TNFRSF10D: variants seen among roughly 807,000 people sequenced by gnomAD.
TNFRSF10D encodes TNF receptor superfamily member 10d, also known as tumor necrosis factor receptor superfamily member 10D.
A neutral mutation model predicts 42.1 loss-of-function variants in TNFRSF10D; 28 were observed. The ratio of observed to expected loss-of-function variants is 0.66; its 90% confidence interval spans 0.49 to 0.91. The LOEUF (loss-of-function observed/expected upper bound fraction) is 0.91. Ranked by LOEUF, TNFRSF10D falls within the 40% of genes least tolerant of loss-of-function variation. TNFRSF10D has a pLI of 0.00. For missense variants in TNFRSF10D, 503 were observed against 486.1 expected (o/e 1.03, Z -0.33); for synonymous variants, 186 against 189.4 (o/e 0.98, Z 0.15).
At chr8:23,151,263 G>GA (rs983450561) in intron 2 of TNFRSF10D, among the ~76,000 whole-genome samples, 1 of 149,756 alleles carries the variant, frequency 6.7e-6, no homozygotes. Context: ...GTACAGAAAG[G>GA]AAAAATTCCT....
At position 23,145,086 on chromosome 8, in the gene TNFRSF10D, C is replaced by T. The variant is rs1800095292; in HGVS notation, c.740G>A (p.Gly247Asp). The T allele has an allele frequency of 6.2e-7, 1 of 1,614,128 alleles. No individual in the cohort carries two copies. Among genetic ancestry groups the T allele is most frequent in the East Asian group, 2.2e-5 (1 of 44,886 alleles). The change falls in exon 6 of 9, where the codon GGT becomes GAT. Residue 247 changes from glycine to aspartate, a missense_variant. Transcript: ENST00000312584. ...GTGCACACGTTCGGGACCTCCTCCA[C>T]CACCTGGAAAAGAAGCAGTCTCCTG... ...ISYLKGICSG[G>D]GGGPERVHRV...
intron 1 of TNFRSF10D, among the ~76,000 whole-genome samples, chr8:23,161,449 G>C (rs1800366116): frequency 6.6e-6 from 1 of 152,218 alleles, no homozygotes; most frequent in Non-Finnish European, 1.5e-5. Context: ...TCAGCTCCAG[G>C]CTCATCTGAT....
intron 2 of TNFRSF10D, among the ~76,000 whole-genome samples, chr8:23,151,184 C>G (rs1339238998): frequency 1.3e-5 from 2 of 151,974 alleles, no homozygotes; most frequent in Non-Finnish European, 1.5e-5. Flanking sequence ...TACAAAGGAA[C>G]CCCTATAAAA....
At chr8:23,140,375 G>GAC (rs71546853) in intron 7 of TNFRSF10D, among the ~76,000 whole-genome samples, 1,616 of 145,446 alleles carry the variant, frequency 0.011, 14 homozygotes, top group Middle Eastern at 0.035. Flanking sequence ...ATTTACAACA[G>GAC]ACACACACAC....
chr8:23,140,114 C>T (rs1046081927), intron 7 of TNFRSF10D, among the ~76,000 whole-genome samples: 9 of 152,046 alleles, frequency 5.9e-5, no homozygotes, highest in East Asian at 1.9e-4. Context: ...ACGGTGAAAC[C>T]CCACCTCTAC....
intron 7 of TNFRSF10D, among the ~76,000 whole-genome samples, chr8:23,141,301 T>A (rs1800009005): frequency 1.3e-5 from 2 of 152,030 alleles, no homozygotes; most frequent in Non-Finnish European, 2.9e-5. Context: ...GGTTAGGAGT[T>A]CGAGACCAGC....
chr8:23,136,407 G>C lies in TNFRSF10D; in HGVS notation c.*1463C>G, dbSNP rs181774200. ...AGCTCAGGAATCTCTGCCCTAAAAGGCATCCCAGGGACTCAGTTCACAGAC... is the reference window on the plus strand; with the variant it reads ...AGCTCAGGAATCTCTGCCCTAAAAGCCATCCCAGGGACTCAGTTCACAGAC... On this transcript the variant is annotated 3_prime_UTR_variant, in exon 9 of 9. Coordinates refer to ENST00000312584, the MANE Select transcript of TNFRSF10D (RefSeq NM_003840.5). The C allele has an allele frequency of 1.8e-3, 320 of 180,362 alleles. 1 individual carries two copies. Among genetic ancestry groups the C allele is most frequent in the African/African-American group, 7.3e-3 (306 of 41,954 alleles). 11.2% of individuals were successfully genotyped at this position (180,362 alleles called of 1,614,324 possible).
At position 23,137,939 on chromosome 8, in the gene TNFRSF10D, G is replaced by A. The variant is rs1365984041; in HGVS notation, c.1092C>T (p.Asp364=). The change falls in exon 9 of 9, where the codon GAC becomes GAT. Residue 364 remains aspartate (D), a synonymous_variant. Coordinates refer to ENST00000312584, the MANE Select transcript of TNFRSF10D (RefSeq NM_003840.5). Reference sequence around the variant, plus strand: ...AGAGCTTTTCGGAGCCCACCAGTTGGTCCTGAATTGTTTCCTTTGCATGTC... The same window carrying A: ...AGAGCTTTTCGGAGCCCACCAGTTGATCCTGAATTGTTTCCTTTGCATGTC... The part of the protein sequence containing the change: ...EEGHAKETIQ[D]QLVGSEKLFY... 1 of 1,614,192 alleles carries A rather than the reference G, an allele frequency of 6.2e-7. No individual in the cohort carries two copies. The highest frequency in any genetic ancestry group is 8.5e-7 in the Non-Finnish European group (1 of 1,180,032).
At chr8:23,149,210 AAAG>A (rs1334690766) in intron 2 of TNFRSF10D, among the ~76,000 whole-genome samples, 5 of 151,048 alleles carry the variant, frequency 3.3e-5, no homozygotes, top group African/African-American at 1.2e-4. Context: ...AAAAAAAAGA[AAAG>A]AAAAGAAAAG....
intron 1 of TNFRSF10D, among the ~76,000 whole-genome samples, chr8:23,157,445 T>C (rs1350055033): frequency 1.3e-5 from 2 of 152,214 alleles, no homozygotes; most frequent in African/African-American, 2.4e-5. Context: ...AGAGGTCATA[T>C]CGCGTGTTTT....
At chr8:23,156,682 A>G (rs1800285530) in intron 1 of TNFRSF10D, among the ~76,000 whole-genome samples, 1 of 151,656 alleles carries the variant, frequency 6.6e-6, no homozygotes, top group Admixed American at 6.6e-5. Context: ...CTCCAACCTC[A>G]GTCCCTAAGT....
At chr8:23,156,970 G>A (rs753341829) in intron 1 of TNFRSF10D, among the ~76,000 whole-genome samples, 11 of 152,102 alleles carry the variant, frequency 7.2e-5, no homozygotes, top group Non-Finnish European at 1.6e-4. Flanking sequence ...ATTGATTAAT[G>A]TAGATCTTCA....
Position 23,147,681 on chromosome 8 carries a change from C to T in TNFRSF10D, c.371-609G>A, listed in dbSNP as rs1248412089. Among the ~76,000 whole-genome samples the T allele has an allele frequency of 3.3e-5, 5 of 152,296 alleles. No homozygotes were observed. The East Asian group carries it at 7.7e-4, about 24-fold the overall frequency. Reference sequence around the variant, plus strand: ...GTGGCTCACACCTGTAATCACAGCACTCTGGGAGGCTGAGGCAAGCGGATC... The same window carrying T: ...GTGGCTCACACCTGTAATCACAGCATTCTGGGAGGCTGAGGCAAGCGGATC... On this transcript the variant is annotated intron_variant, in intron 3 of 8. Transcript: ENST00000312584.
chr8:23,139,918 G>A (rs2128835387), intron 7 of TNFRSF10D, among the ~76,000 whole-genome samples: 1 of 152,290 alleles, frequency 6.6e-6, no homozygotes, highest in South Asian at 2.1e-4. Context: ...GGCCGAGGCA[G>A]GCGGATCACG....
In TNFRSF10D at chr8:23,137,952, T is replaced by A; in HGVS notation, c.1079A>T (p.Glu360Val). Residue 360 changes from glutamate to valine, a missense_variant, in exon 9 of 9, where the codon GAA becomes GTA. Glu to Val is a moderately radical substitution (Grantham distance 121). Coordinates refer to ENST00000312584, the MANE Select transcript of TNFRSF10D (RefSeq NM_003840.5). The stretch of plus-strand genomic sequence containing the variant: ...GCCCACCAGTTGGTCCTGAATTGTT[T>A]CCTTTGCATGTCCTTCTTCCAGTGT... ...SATLEEGHAK[E>V]TIQDQLVGSE... 2 of 1,614,244 alleles carry A rather than the reference T, an allele frequency of 1.2e-6. No individual in the cohort carries two copies. Among genetic ancestry groups the A allele is most frequent in the Non-Finnish European group, 1.7e-6 (2 of 1,180,038 alleles).
intron 2 of TNFRSF10D, among the ~76,000 whole-genome samples, chr8:23,150,538 C>A (rs1800200385): frequency 6.6e-6 from 1 of 152,188 alleles, no homozygotes; most frequent in South Asian, 2.1e-4. Flanking sequence ...CAAAATGAAG[C>A]ACAAGTAACC....
chr8:23,144,287 G>A lies in TNFRSF10D; in HGVS notation c.954+163C>T, dbSNP rs111839898. ...AAGCAGATGTCCTGCAGACTGGCACGGTCACCACCTCAGTGCAGCTGCTCC... is the reference window on the plus strand; with the variant it reads ...AAGCAGATGTCCTGCAGACTGGCACAGTCACCACCTCAGTGCAGCTGCTCC... On this transcript the variant is annotated intron_variant, in intron 7 of 8. Coordinates refer to ENST00000312584, the MANE Select transcript of TNFRSF10D (RefSeq NM_003840.5). Among the ~76,000 whole-genome samples the A allele has an allele frequency of 5.7e-3, 862 of 152,196 alleles. 2 individuals carry two copies. The highest frequency in any genetic ancestry group is 0.017 in the African/African-American group (716 of 41,496).
chr8:23,163,964 C>T lies in TNFRSF10D; in HGVS notation c.-29G>A. 2 of 1,527,742 alleles carry T rather than the reference C, an allele frequency of 1.3e-6. No individual in the cohort carries two copies. Among genetic ancestry groups the T allele is most frequent in the Admixed American group, 2.3e-5 (1 of 42,874 alleles). 94.6% of individuals were successfully genotyped at this position (1,527,742 alleles called of 1,614,324 possible). On this transcript the variant is annotated 5_prime_UTR_variant, in exon 1 of 9. Transcript: ENST00000312584. The stretch of plus-strand genomic sequence containing the variant: ...AAGGGAGGAGGGTGGATCGAAAGCG[C>T]CAAAAATCAATCAGAAATCGTCCCC...
intron 3 of TNFRSF10D, among the ~76,000 whole-genome samples, chr8:23,148,090 AT>A (rs1229091408): frequency 2.0e-5 from 3 of 149,078 alleles, no homozygotes; most frequent in Non-Finnish European, 4.5e-5. Flanking sequence ...AAAAAAAAAA[AT>A]TAGCTGGGTG....
Sources: allele counts gnomAD v4.1 joint callset (sites outside exome capture counted in the v4.1 genomes callset), GRCh38; gene constraint gnomAD v4.1.1; transcripts MANE v1.5; gene names NCBI Gene and HGNC (gene_info 2026-07-23, HGNC 2026-07-21).